PIAS2: variants seen among roughly 807,000 people sequenced by gnomAD.
PIAS2 encodes the protein E3 SUMO-protein ligase PIAS2.
PIAS2 carries 19 observed loss-of-function variants against 69.7 expected under a neutral mutation model. That is an observed-to-expected ratio of 0.27 (90% CI 0.19 to 0.40). PIAS2 has a LOEUF of 0.40. PIAS2 is among the 10% of genes least tolerant of loss of function. The probability of loss-of-function intolerance (pLI) is 1.00; values close to 1 mark genes in which losing one functional copy is unlikely to be tolerated. For missense variants in PIAS2, 624 were observed against 757.0 expected (o/e 0.82, Z 2.06); for synonymous variants, 261 against 263.2 (o/e 0.99, Z 0.08).
rs1287273112 is a variant in PIAS2 at position 46,804,256 on chromosome 18, T to C, written c.*8177A>G. Reference sequence around the variant, plus strand: ...GGAAACACACAATATGCAGGGATTATTTTATGTATTAAGAGTATATAAACC... The same window carrying C: ...GGAAACACACAATATGCAGGGATTACTTTATGTATTAAGAGTATATAAACC... On this transcript the variant is annotated 3_prime_UTR_variant, in exon 14 of 14. Coordinates refer to ENST00000585916, the MANE Select transcript of PIAS2 (RefSeq NM_004671.5). 1.3e-5 allele frequency: 2 copies of C among 152,198 alleles called. No individual in the cohort carries two copies. Among genetic ancestry groups the C allele is most frequent in the Admixed American group, 6.5e-5 (1 of 15,278 alleles). 9.4% of individuals were successfully genotyped at this position (152,198 alleles called of 1,614,324 possible). A position where few individuals can be genotyped will look rare whatever the true frequency, so the allele number is the denominator to read the frequency against.
chr18:46,817,856 C>G (rs1232194724), intron 12 of PIAS2: 1 of 964,874 alleles, frequency 1.0e-6, no homozygotes, highest in African/African-American at 1.8e-5. Context: ...ACATTTTAAG[C>G]AGAATATTAA....
intron 6 of PIAS2, among the ~76,000 whole-genome samples, chr18:46,845,694 ACAT>A (rs1394645403): frequency 6.6e-6 from 1 of 152,074 alleles, no homozygotes; most frequent in East Asian, 1.9e-4. Flanking sequence ...TCTACAATAA[ACAT>A]CATACTTTTA....
chr18:46,842,447 G>A (rs894855189), intron 8 of PIAS2, among the ~76,000 whole-genome samples: 1 of 152,092 alleles, frequency 6.6e-6, no homozygotes, highest in Non-Finnish European at 1.5e-5. Flanking sequence ...GGTAAGTTGT[G>A]TAGACTTTCT....
intron 7 of PIAS2, among the ~76,000 whole-genome samples, chr18:46,844,382 AAAC>A (rs1481631154): frequency 2.0e-5 from 3 of 152,156 alleles, no homozygotes; most frequent in Middle Eastern, 3.2e-3. Context: ...CTTAAGAACA[AAAC>A]AACAATTAGG....
intron 11 of PIAS2, chr18:46,827,742 T>C (rs2043023236): frequency 9.1e-6 from 4 of 437,836 alleles, no homozygotes; most frequent in Non-Finnish European, 1.2e-5. Flanking sequence ...AGGAAATAAA[T>C]ACCTCACACG....
intron 8 of PIAS2, among the ~76,000 whole-genome samples, chr18:46,839,140 T>C (rs1424654170): frequency 1.3e-5 from 2 of 152,120 alleles, no homozygotes; most frequent in African/African-American, 4.8e-5. Context: ...TGTAAGTGAG[T>C]TGGCTTTTTT....
Position 46,855,623 on chromosome 18 carries a change from A to G in PIAS2, c.585-8T>C, listed in dbSNP as rs72907200. 6,000 of 1,608,250 alleles carry G rather than the reference A, an allele frequency of 3.7e-3. 26 individuals are homozygous for G. Among genetic ancestry groups the G allele is most frequent in the Non-Finnish European group, 4.2e-3 (4,893 of 1,174,762 alleles). ...CCACCTGGCAAAAAATCCCTGTTGGAAAGAGAAAGAAAATGGGTTAAAAAA... is the reference window on the plus strand; with the variant it reads ...CCACCTGGCAAAAAATCCCTGTTGGGAAGAGAAAGAAAATGGGTTAAAAAA... On this transcript the variant is annotated splice_polypyrimidine_tract_variant and splice_region_variant and intron_variant, in intron 3 of 13. Transcript: ENST00000585916.
At chr18:46,880,460 T>C (rs1396489803) in intron 2 of PIAS2, among the ~76,000 whole-genome samples, 3 of 152,174 alleles carry the variant, frequency 2.0e-5, no homozygotes, top group African/African-American at 4.8e-5. Context: ...CACATACCTA[T>C]AGTCCCAGCT....
In PIAS2 at chr18:46,804,115, C is replaced by T. The variant is rs1473704886; in HGVS notation, c.*8318G>A. ...AAATGCAAATGGTTATCCACCATTT[C>T]TTCATCCACCAATATTTACTGGGCA... is the stretch of plus-strand genomic sequence containing the variant. On this transcript the variant is annotated 3_prime_UTR_variant, in exon 14 of 14. Transcript: ENST00000585916. The T allele has an allele frequency of 6.6e-6, 1 of 152,174 alleles. No homozygotes were observed. Among genetic ancestry groups the T allele is most frequent in the African/African-American group, 2.4e-5 (1 of 41,432 alleles). 9.4% of individuals were successfully genotyped at this position (152,174 alleles called of 1,614,324 possible).
chr18:46,918,083 G>GA (rs1568955086), upstream of PIAS2: 1 of 152,006 alleles, frequency 6.6e-6, no homozygotes, highest in African/African-American at 2.4e-5. Flanking sequence ...GGGGTTGGGG[G>GA]CGGGGAGAAG....
At chr18:46,872,347 A>G (rs1222003362) in intron 2 of PIAS2, among the ~76,000 whole-genome samples, 5 of 152,228 alleles carry the variant, frequency 3.3e-5, no homozygotes, top group Non-Finnish European at 2.9e-5. Context: ...CAGCAGGGAC[A>G]TATTTGTTTT....
At chr18:46,873,980 C>T (rs1323511881) in intron 2 of PIAS2, among the ~76,000 whole-genome samples, 1 of 152,006 alleles carries the variant, frequency 6.6e-6, no homozygotes, top group Non-Finnish European at 1.5e-5. Context: ...TGGGTGTTAC[C>T]AGATCAAAGA....
At chr18:46,879,989 G>C (rs963868638) in intron 2 of PIAS2, among the ~76,000 whole-genome samples, 6 of 151,826 alleles carry the variant, frequency 4.0e-5, no homozygotes, top group Non-Finnish European at 8.8e-5. Context: ...AAGATGAAAA[G>C]GGTTCTCTGG....
chr18:46,878,432 A>G (rs2051611679), intron 2 of PIAS2, among the ~76,000 whole-genome samples: 3 of 152,262 alleles, frequency 2.0e-5, no homozygotes, highest in South Asian at 4.1e-4. Context: ...TATCTTGATA[A>G]GACATTTAGG....
At chr18:46,818,809 A>T (rs187756541) in intron 12 of PIAS2, among the ~76,000 whole-genome samples, 7 of 152,218 alleles carry the variant, frequency 4.6e-5, no homozygotes, top group Admixed American at 4.6e-4. Flanking sequence ...AATAATAACA[A>T]CCAGTATCAC....
At chr18:46,899,325 G>T (rs886788077) in intron 1 of PIAS2, among the ~76,000 whole-genome samples, 1 of 152,146 alleles carries the variant, frequency 6.6e-6, no homozygotes, top group Admixed American at 6.5e-5. Flanking sequence ...CAGGAGGAAA[G>T]CACTCTATGG....
At chr18:46,820,556 A>C (rs959748374) in intron 12 of PIAS2, among the ~76,000 whole-genome samples, 2 of 152,154 alleles carry the variant, frequency 1.3e-5, no homozygotes, top group Non-Finnish European at 2.9e-5. Flanking sequence ...AATCAGCCCC[A>C]AACAACATCA....
At chr18:46,848,615 AATT>A (rs752805982) in intron 5 of PIAS2, among the ~76,000 whole-genome samples, 23 of 152,324 alleles carry the variant, frequency 1.5e-4, no homozygotes, top group Non-Finnish European at 2.1e-4. Context: ...GCAAGACAGT[AATT>A]ATTAAATGGT....
chr18:46,860,587 A>G (rs573849417), intron 3 of PIAS2, among the ~76,000 whole-genome samples: 1 of 152,346 alleles, frequency 6.6e-6, no homozygotes, highest in African/African-American at 2.4e-5. Flanking sequence ...TCTAATAGCC[A>G]AAGATAGAAC....
Sources: allele counts gnomAD v4.1 joint callset (sites outside exome capture counted in the v4.1 genomes callset), GRCh38; gene constraint gnomAD v4.1.1; transcripts MANE v1.5; gene names NCBI Gene and HGNC (gene_info 2026-07-23, HGNC 2026-07-21).